The following IPO8 variants were observed in gnomAD, a reference collection of about 807,000 sequenced individuals.
IPO8 encodes importin 8, also known as importin-8.
In IPO8, 65 loss-of-function variants were observed where a neutral mutation model predicts 141.2. That is an observed-to-expected ratio of 0.46 (90% CI 0.38 to 0.57). The LOEUF (loss-of-function observed/expected upper bound fraction) is 0.57. Among genes scored for constraint, IPO8 ranks in the 20% least tolerant of loss-of-function variants. IPO8 has a pLI of 0.00. For missense variants in IPO8, 980 were observed against 1,246.8 expected (o/e 0.79, Z 3.22); for synonymous variants, 411 against 420.3 (o/e 0.98, Z 0.27).
chr12:30,678,631 GGAATAAGAGAA>G (rs944574672), intron 5 of IPO8, among the ~76,000 whole-genome samples: 8 of 152,080 alleles, frequency 5.3e-5, no homozygotes, highest in African/African-American at 1.9e-4. Flanking sequence ...TACAAAGGTA[GGAATAAGAGAA>G]GAAGGTGAGG....
At chr12:30,662,227 G>T in intron 15 of IPO8, 100 bp downstream of exon 15, 2 of 893,574 alleles carry the variant, frequency 2.2e-6, no homozygotes, top group Non-Finnish European at 1.8e-6. Context: ...TTGTTAAGCA[G>T]CACATGACTG....
chr12:30,647,603 CAAA>C (rs34098076), intron 20 of IPO8, among the ~76,000 whole-genome samples: 1 of 40,788 alleles, frequency 2.5e-5, no homozygotes, highest in Non-Finnish European at 4.2e-5. Context: ...AGACCGTCTC[CAAA>C]AAAAAAAAAA....
chr12:30,655,824 G>T (rs2052791595), intron 17 of IPO8, among the ~76,000 whole-genome samples: 1 of 152,154 alleles, frequency 6.6e-6, no homozygotes, highest in South Asian at 2.1e-4. Flanking sequence ...GGAGACAACT[G>T]CTCTTAATCA....
intron 11 of IPO8, 33 bp from the exon 12 acceptor site, chr12:30,665,878 T>C (rs2052957283): frequency 1.4e-6 from 2 of 1,389,082 alleles, no homozygotes; most frequent in Non-Finnish European, 2.0e-6. Context: ...TTAGTCTACA[T>C]GAACTTTCAT....
rs976096128 is a variant in IPO8, at chr12:30,632,017, G to A, written c.2900-6C>T. 2.5e-6 allele frequency: 4 copies of A among 1,602,400 alleles called. No individual in the cohort carries two copies. The African/African-American group carries it at 4.0e-5, about 16-fold the overall frequency. On this transcript the variant is annotated splice_region_variant and splice_polypyrimidine_tract_variant and intron_variant, in intron 23 of 24. Coordinates refer to ENST00000256079, the MANE Select transcript of IPO8 (RefSeq NM_006390.4). ...TGCATCTCGACTCTGCACAGCTGTT[G>A]CATTTTGGGAGGAAAAGACAGGAGG...
chr12:30,684,633 G>C (rs1325533521), intron 2 of IPO8, among the ~76,000 whole-genome samples, 176 bp from the exon 3 acceptor site: 2 of 152,138 alleles, frequency 1.3e-5, no homozygotes, highest in Non-Finnish European at 2.9e-5. Context: ...GAATTTAAAG[G>C]TTTCACTTCA....
chr12:30,676,424 G>GGAT, intron 6 of IPO8, 74 bp downstream of exon 6: 1 of 837,610 alleles, frequency 1.2e-6, no homozygotes, highest in Non-Finnish European at 2.0e-6. Flanking sequence ...GAGCAGTCAG[G>GGAT]GATAATGCAT....
chr12:30,646,762 T>C (rs190738128), intron 20 of IPO8, among the ~76,000 whole-genome samples: 9 of 152,222 alleles, frequency 5.9e-5, no homozygotes, highest in African/African-American at 2.2e-4. Flanking sequence ...ATTTTAGGAA[T>C]AGAATTGAAA....
At chr12:30,693,227 T>C (rs527712159) in intron 1 of IPO8, among the ~76,000 whole-genome samples, 17 of 152,340 alleles carry the variant, frequency 1.1e-4, no homozygotes, top group South Asian at 8.3e-4. Context: ...ATGGGACTTC[T>C]GGTCTATAGA....
rs568618330 is a variant in IPO8, at chr12:30,644,164, TAGAG to T, written c.2269-4433_2269-4430del. Among the ~76,000 whole-genome samples the T allele has an allele frequency of 1.6e-3, 239 of 152,164 alleles. 3 individuals carry two copies. The highest frequency in any genetic ancestry group is 5.6e-3 in the African/African-American group (232 of 41,510). ...AGGAGGATCACTTGAAGCCAGGAGTTAGAGAGCGGCCAAAACCACATAGTGAGAC... is the reference window on the plus strand; with the variant it reads ...AGGAGGATCACTTGAAGCCAGGAGTTAGCGGCCAAAACCACATAGTGAGAC... On this transcript the variant is annotated intron_variant, in intron 20 of 24. Transcript: ENST00000256079.
intron 9 of IPO8, 111 bp from the exon 10 acceptor site, chr12:30,669,393 C>G (rs2053016529): frequency 3.9e-6 from 2 of 513,676 alleles, no homozygotes; most frequent in Non-Finnish European, 6.8e-6. Flanking sequence ...TTTCCAAACT[C>G]TGTGTGTGTG....
intron 20 of IPO8, among the ~76,000 whole-genome samples, chr12:30,645,092 G>C (rs1214563111): frequency 6.6e-6 from 1 of 152,140 alleles, no homozygotes; most frequent in East Asian, 2.0e-4. Flanking sequence ...AAGAGAACCA[G>C]GCCAGGTGCG....
At chr12:30,671,923 AC>A (rs1002952366) in intron 8 of IPO8, among the ~76,000 whole-genome samples, 2 of 152,112 alleles carry the variant, frequency 1.3e-5, no homozygotes, top group Non-Finnish European at 2.9e-5. Context: ...TTTAACACTG[AC>A]AAAAAATGAT....
At chr12:30,663,833 T>C (rs2052923101) in intron 13 of IPO8, among the ~76,000 whole-genome samples, 179 bp from the exon 14 acceptor site, 1 of 152,200 alleles carries the variant, frequency 6.6e-6, no homozygotes, top group East Asian at 1.9e-4. Context: ...GTAAGGCATT[T>C]TCATTACTTC....
intron 11 of IPO8, 125 bp from the exon 12 acceptor site, chr12:30,665,970 C>G: frequency 1.4e-6 from 1 of 692,344 alleles, no homozygotes. Context: ...CAACTATAAG[C>G]TCAATAAGAA....
intron 2 of IPO8, among the ~76,000 whole-genome samples, chr12:30,685,900 CAAAAA>C (rs397849869): frequency 1.1e-5 from 1 of 88,012 alleles, no homozygotes. Context: ...AAGACTCTGT[CAAAAA>C]AAAAAAAAAA....
chr12:30,639,902 C>T (rs1196536647), intron 20 of IPO8, among the ~76,000 whole-genome samples, 167 bp from the exon 21 acceptor site: 3 of 152,096 alleles, frequency 2.0e-5, no homozygotes, highest in Non-Finnish European at 4.4e-5. Context: ...ATTATAACAA[C>T]CTAGAGAGAC....
At chr12:30,675,202 CTA>C (rs1482292427) in intron 6 of IPO8, among the ~76,000 whole-genome samples, 1 of 151,270 alleles carries the variant, frequency 6.6e-6, no homozygotes, top group Non-Finnish European at 1.5e-5. Flanking sequence ...TTAAGACAAA[CTA>C]AAATTTTAAT....
Position 30,674,725 on chromosome 12 carries a change from C to A in IPO8, c.758G>T (p.Arg253Ile). 1 of 1,613,368 alleles carries A rather than the reference C, an allele frequency of 6.2e-7. No homozygotes were observed. Among genetic ancestry groups the A allele is most frequent in the South Asian group, 1.1e-5 (1 of 91,052 alleles). ...ACACTTCCACCATACCAGTTCTGGT[C>A]TATCATCCTCATCAATGTGCAGAGT... ...PETLHIDEDDRPELVWWKCKK... is the reference protein window; with the variant it reads ...PETLHIDEDDIPELVWWKCKK... The change falls in exon 7 of 25, where the codon AGA (arginine) becomes ATA (isoleucine). Residue 253 changes from arginine (R) to isoleucine (I), a missense_variant. Physicochemically the swap from Arg to Ile is moderately conservative, Grantham distance 97. This residue lies in a region of IPO8 where 924 missense variants were observed against 1,153.9 expected (regional missense o/e 0.80). Transcript: ENST00000256079.
Sources: allele counts gnomAD v4.1 joint callset (sites outside exome capture counted in the v4.1 genomes callset), GRCh38; gene constraint gnomAD v4.1.1; regional missense constraint gnomAD v4.1.1; transcripts MANE v1.5; gene names NCBI Gene and HGNC (gene_info 2026-07-23, HGNC 2026-07-21).